SORCS2: variants seen among roughly 807,000 people sequenced by gnomAD.
SORCS2 encodes the protein sortilin related VPS10 domain containing receptor 2.
Under a neutral mutation model 141.6 loss-of-function variants are expected in SORCS2, and 100 were observed. That is an observed-to-expected ratio of 0.71 (90% CI 0.60 to 0.83). SORCS2 has a LOEUF of 0.83. Ranked by LOEUF, SORCS2 falls within the 40% of genes least tolerant of loss-of-function variation. The pLI is 0.00. For synonymous variants in SORCS2, 789 were observed against 676.9 expected (o/e 1.17, Z -2.57); for missense variants, 1,646 against 1,560.2 (o/e 1.05, Z -0.93).
intron 19 of SORCS2, among the ~76,000 whole-genome samples, chr4:7,724,378 GTGATAGGGTGTTGGTGA>G (rs1726892905): frequency 6.8e-6 from 1 of 146,306 alleles, no homozygotes; most frequent in African/African-American, 2.6e-5. Flanking sequence ...GATGATGGTG[GTGATAGGGTGTTGGTGA>G]TGGTGATAGT....
rs149472483 is a variant in SORCS2 at position 7,563,299 on chromosome 4, G to A, written c.648+31670G>A. ...CCAGGGACTGTTCTTGGTCTTGGGC[G>A]TGTAGCAGATAACATCACCAGCAAG... On this transcript the variant is annotated intron_variant, in intron 3 of 26. Transcript: ENST00000507866. 4.0e-3 allele frequency among the ~76,000 whole-genome samples: 603 copies of A among 152,270 alleles called. 5 individuals are homozygous for A. Among genetic ancestry groups the A allele is most frequent in the African/African-American group, 0.013 (536 of 41,546 alleles).
intron 2 of SORCS2, among the ~76,000 whole-genome samples, chr4:7,474,006 C>A (rs1241782458): frequency 2.6e-5 from 4 of 152,200 alleles, no homozygotes; most frequent in African/African-American, 4.8e-5. Flanking sequence ...ATCTGAAGCT[C>A]CTAATGAAGC....
At chr4:7,281,834 TG>T (rs1191143413) in intron 1 of SORCS2, among the ~76,000 whole-genome samples, 1 of 152,016 alleles carries the variant, frequency 6.6e-6, no homozygotes, top group Non-Finnish European at 1.5e-5. Context: ...CGTCTGTGGG[TG>T]GGGGCTGGGT....
At chr4:7,542,164 TG>T (rs34481337) in intron 3 of SORCS2, among the ~76,000 whole-genome samples, 1 of 152,152 alleles carries the variant, frequency 6.6e-6, no homozygotes, top group African/African-American at 2.4e-5. Context: ...GGCGGAGGGT[TG>T]GGGGGTGTTC....
intron 2 of SORCS2, among the ~76,000 whole-genome samples, chr4:7,488,957 C>G (rs980007247): frequency 2.0e-5 from 3 of 152,246 alleles, no homozygotes; most frequent in Admixed American, 1.3e-4. Context: ...TGGTCACTAG[C>G]TACATTTACG....
chr4:7,499,561 T>A (rs779602417), intron 2 of SORCS2, among the ~76,000 whole-genome samples: 2 of 151,958 alleles, frequency 1.3e-5, no homozygotes, highest in Non-Finnish European at 2.9e-5. Context: ...TACCTGGAAC[T>A]CGACACTGGC....
Position 7,659,773 on chromosome 4 carries a change from A to G in SORCS2, c.888-1727A>G, listed in dbSNP as rs149778373. ...GCCTTGGACAAAGGGGCCAGGGCAC[A>G]TGTAGACTCCAGCTGAGACCCTGGA... On this transcript the variant is annotated intron_variant, in intron 5 of 26. Coordinates refer to ENST00000507866, the MANE Select transcript of SORCS2 (RefSeq NM_020777.3). Among the ~76,000 whole-genome samples the G allele has an allele frequency of 1.3e-3, 194 of 152,312 alleles. 1 individual carries two copies. Among genetic ancestry groups the G allele is most frequent in the African/African-American group, 4.4e-3 (184 of 41,586 alleles).
At chr4:7,636,448 G>A (rs902543150) in intron 3 of SORCS2, among the ~76,000 whole-genome samples, 1 of 152,170 alleles carries the variant, frequency 6.6e-6, no homozygotes, top group African/African-American at 2.4e-5. Context: ...GGAGCGGGGG[G>A]TGCACACTCA....
chr4:7,193,224 G>A lies in SORCS2; in HGVS notation c.480+98G>A. ...GCCCCCACCCCAGATCCCCACTATG[G>A]TCATCAGGGGCGGGTTCTTGGCGAC... On this transcript the variant is annotated intron_variant, in intron 1 of 26. Transcript: ENST00000507866. This position sits in a 1 kb window ranked among gnomAD's most constrained non-coding sequence, Gnocchi z 4.8. 1 of 1,289,790 alleles carries A rather than the reference G, an allele frequency of 7.8e-7. No homozygotes were observed. The highest frequency in any genetic ancestry group is 9.8e-7 in the Non-Finnish European group (1 of 1,016,952). The allele number at this position is 1,289,790 out of a possible 1,614,324, so 79.9% of individuals were successfully genotyped here. A position where few individuals can be genotyped will look rare whatever the true frequency, so the allele number is the denominator to read the frequency against.
chr4:7,306,464 C>T (rs1030353215), intron 1 of SORCS2, among the ~76,000 whole-genome samples: 10 of 152,214 alleles, frequency 6.6e-5, no homozygotes, highest in South Asian at 6.2e-4. Context: ...TGAGGGTTTG[C>T]GGTGTGGCTG....
chr4:7,585,846 C>A (rs1381963409), intron 3 of SORCS2, among the ~76,000 whole-genome samples: 1 of 152,230 alleles, frequency 6.6e-6, no homozygotes, highest in Non-Finnish European at 1.5e-5. Context: ...GACAGCTTGA[C>A]TGAAGGTGAG....
intron 1 of SORCS2, among the ~76,000 whole-genome samples, chr4:7,282,002 C>G (rs12641693): frequency 0.027 from 4,183 of 152,336 alleles, 239 homozygotes; most frequent in East Asian, 0.24. Flanking sequence ...CTTCCCTCGC[C>G]ACTCTGCCTC....
rs553902182 is a variant in SORCS2, at chr4:7,359,671, C to T, written c.481-36617C>T. On this transcript the variant is annotated intron_variant, in intron 1 of 26. Transcript: ENST00000507866. Reference sequence around the variant, plus strand: ...TGACCTTTGCCTGCTGCTGTTAGAGCATCATTCAGTGAGAGTGAATTTATT... The same window carrying T: ...TGACCTTTGCCTGCTGCTGTTAGAGTATCATTCAGTGAGAGTGAATTTATT... Among the ~76,000 whole-genome samples the T allele has an allele frequency of 5.9e-5, 9 of 152,342 alleles. No homozygotes were observed. In the South Asian group the frequency reaches 1.0e-3, roughly 18 times the overall value.
intron 1 of SORCS2, among the ~76,000 whole-genome samples, chr4:7,395,406 G>A (rs1724146244): frequency 6.6e-6 from 1 of 152,206 alleles, no homozygotes; most frequent in Admixed American, 6.5e-5. Flanking sequence ...CCATGGGAGT[G>A]TTAGGAACAG....
At chr4:7,339,408 T>C (rs1399297961) in intron 1 of SORCS2, among the ~76,000 whole-genome samples, 2 of 152,236 alleles carry the variant, frequency 1.3e-5, no homozygotes, top group East Asian at 3.9e-4. Context: ...CGGGCAGTTC[T>C]GGAGGCCGGA....
intron 3 of SORCS2, among the ~76,000 whole-genome samples, chr4:7,591,929 T>C (rs1290600704): frequency 1.3e-5 from 2 of 151,972 alleles, no homozygotes; most frequent in African/African-American, 4.8e-5. Context: ...ATTGGGGACC[T>C]CCTCAAAGGA....
In SORCS2 at chr4:7,212,165, C is replaced by G. The variant is rs1373873667; in HGVS notation, c.480+19039C>G. On this transcript the variant is annotated intron_variant, in intron 1 of 26. Coordinates refer to ENST00000507866, the MANE Select transcript of SORCS2 (RefSeq NM_020777.3). ...TGACTCTGCCTTTGGAAGTTGCCTC[C>G]TCTCACCTGGCCCTCTGGGGTTCTC... Among the ~76,000 whole-genome samples the G allele has an allele frequency of 2.0e-5, 3 of 152,100 alleles. No individual in the cohort carries two copies. In the East Asian group the frequency reaches 5.8e-4, roughly 29 times the overall value.
chr4:7,300,600 G>T (rs1290876613), intron 1 of SORCS2, among the ~76,000 whole-genome samples: 1 of 152,182 alleles, frequency 6.6e-6, no homozygotes, highest in Non-Finnish European at 1.5e-5. Context: ...TTTGGAGTAG[G>T]TACTGTCATT....
rs578058112 is a variant in SORCS2, at chr4:7,404,107, G to T, written c.548+7752G>T. ...CTACGTTCTGTTCCATTGTCTTTCT[G>T]TGTCTGCCTCGTTTCACTTAAGGTA... On this transcript the variant is annotated intron_variant, in intron 2 of 26. Coordinates refer to ENST00000507866, the MANE Select transcript of SORCS2 (RefSeq NM_020777.3). Among the ~76,000 whole-genome samples the T allele has an allele frequency of 2.7e-5, 4 of 150,230 alleles. No individual in the cohort carries two copies. In the South Asian group the frequency reaches 8.5e-4, roughly 32 times the overall value.
Sources: allele counts gnomAD v4.1 joint callset (sites outside exome capture counted in the v4.1 genomes callset), GRCh38; gene constraint gnomAD v4.1.1; non-coding constraint Gnocchi (gnomAD v3.1); transcripts MANE v1.5; gene names NCBI Gene and HGNC (gene_info 2026-07-23, HGNC 2026-07-21).